The following SLCO2B1 variants were observed in gnomAD, a reference collection of about 807,000 sequenced individuals.
SLCO2B1 encodes the protein OATP-RP2.
A neutral mutation model predicts 67.3 loss-of-function variants in SLCO2B1; 41 were observed. The ratio of observed to expected loss-of-function variants is 0.61; its 90% CI spans 0.47 to 0.79. The LOEUF is 0.79. Ranked by LOEUF, SLCO2B1 falls within the 30% of genes least tolerant of loss-of-function variation. SLCO2B1 has a pLI of 0.00. For missense variants in SLCO2B1, 837 were observed against 920.1 expected (o/e 0.91, Z 1.17); for synonymous variants, 379 against 381.4 (o/e 0.99, Z 0.07).
rs754763383 is a variant in SLCO2B1 at position 75,169,366 on chromosome 11, C to T, written c.642C>T (p.Ile214=). Residue 214 remains isoleucine, a synonymous_variant, in exon 5 of 14, where the codon ATC becomes ATT. Transcript: ENST00000289575. ...VPIQPFGISY[I]DDFAHNSNSP... ...TTCAGCCCTTTGGCATCTCCTACAT[C>T]GATGACTTTGCCCACAACAGCAACT... is the stretch of plus-strand genomic sequence containing the variant. The T allele has an allele frequency of 2.5e-5, 40 of 1,610,222 alleles. No individual in the cohort carries two copies. The highest frequency in any genetic ancestry group is 3.1e-5 in the Non-Finnish European group (36 of 1,177,184).
intron 11 of SLCO2B1, chr11:75,201,797 T>C (rs969896434): frequency 6.6e-6 from 1 of 152,214 alleles, no homozygotes; most frequent in East Asian, 1.9e-4. Context: ...GGGACCTCCA[T>C]GTGTTCAGCT....
At position 75,172,370 on chromosome 11, in the gene SLCO2B1, C is replaced by T; in HGVS notation, c.782-9C>T. 6.2e-7 allele frequency: 1 copy of T among 1,608,546 alleles called. No individual in the cohort carries two copies. The highest frequency in any genetic ancestry group is 8.5e-7 in the Non-Finnish European group (1 of 1,176,458). On this transcript the variant is annotated splice_polypyrimidine_tract_variant and intron_variant, in intron 6 of 13. Coordinates refer to ENST00000289575, the MANE Select transcript of SLCO2B1 (RefSeq NM_007256.5). ...CTGACCCTAATGTCACCATGCTCTT[C>T]TCTTCCAGGTGGTATCAGCCTGACC...
At chr11:75,161,617 G>T (rs367869341) in intron 1 of SLCO2B1, among the ~76,000 whole-genome samples, 1 of 152,144 alleles carries the variant, frequency 6.6e-6, no homozygotes, top group African/African-American at 2.4e-5. Flanking sequence ...CAATTTTCAG[G>T]CTCCAGAAAG....
rs561881486 is a variant in SLCO2B1 at position 75,159,919 on chromosome 11, T to C, written c.17-2736T>C. On this transcript the variant is annotated intron_variant, in intron 1 of 13. Coordinates refer to ENST00000289575, the MANE Select transcript of SLCO2B1 (RefSeq NM_007256.5). ...ACCTGAGGCAGGTGAGCAGGCTCCA[T>C]GAGTGGGCAGGTGAGAGGCCAGGGG... 10 of 960,106 alleles carry C rather than the reference T, an allele frequency of 1.0e-5. No individual in the cohort carries two copies. In the African/African-American group the frequency reaches 1.6e-4, roughly 15 times the overall value. 59.5% of individuals were successfully genotyped at this position (960,106 alleles called of 1,614,324 possible). A position where few individuals can be genotyped will look rare whatever the true frequency, so the allele number is the denominator to read the frequency against.
chr11:75,200,061 C>T (rs972532236), intron 10 of SLCO2B1, 163 bp from the exon 11 acceptor site: 19 of 647,724 alleles, frequency 2.9e-5, no homozygotes, highest in African/African-American at 9.2e-5. Flanking sequence ...CTCCTCAAGC[C>T]GTCTTTGCTC....
intron 2 of SLCO2B1, among the ~76,000 whole-genome samples, chr11:75,163,126 G>T (rs1949843269): frequency 6.6e-6 from 1 of 152,076 alleles, no homozygotes; most frequent in Admixed American, 6.5e-5. Flanking sequence ...CTCCACCAAG[G>T]GCAGCTGTGA....
At position 75,169,749 on chromosome 11, in the gene SLCO2B1, A is replaced by C; in HGVS notation, c.766A>C (p.Asn256His). The change falls in exon 6 of 14, where the codon AAC (asparagine) becomes CAC (histidine). Residue 256 changes from asparagine to histidine, a missense_variant. Coordinates refer to ENST00000289575, the MANE Select transcript of SLCO2B1 (RefSeq NM_007256.5). ...CATGCTGCGCCTTTATGTGGACATT[A>C]ACCAGATGCCAGAAGGTGAGCCTCA... ...SLMLRLYVDI[N>H]QMPEGGISLT... 6.2e-7 allele frequency: 1 copy of C among 1,613,996 alleles called. No individual in the cohort carries two copies. Among genetic ancestry groups the C allele is most frequent in the South Asian group, 1.1e-5 (1 of 91,078 alleles).
At chr11:75,197,487 GAGCAGA>G (rs1945117152) in intron 10 of SLCO2B1, among the ~76,000 whole-genome samples, 1 of 152,246 alleles carries the variant, frequency 6.6e-6, no homozygotes, top group Admixed American at 6.5e-5. Flanking sequence ...GTTTCTGTTG[GAGCAGA>G]AGCACAAGGG....
At chr11:75,166,259 A>T (rs1473933293) in intron 4 of SLCO2B1, among the ~76,000 whole-genome samples, 3 of 151,936 alleles carry the variant, frequency 2.0e-5, no homozygotes. Context: ...CATGCAGTAG[A>T]CCCTCCGGAA....
At chr11:75,171,139 C>G (rs1949955214) in intron 6 of SLCO2B1, among the ~76,000 whole-genome samples, 1 of 152,198 alleles carries the variant, frequency 6.6e-6, no homozygotes, top group Non-Finnish European at 1.5e-5. Flanking sequence ...AACCCATCCC[C>G]GGCTTTACAG....
Position 75,205,799 on chromosome 11 carries a change from T to C in SLCO2B1, c.*1219T>C, listed in dbSNP as rs933328955. On this transcript the variant is annotated 3_prime_UTR_variant, in exon 14 of 14. Transcript: ENST00000289575. ...GCTAGTCTTATCTGGCCTGGTTATTTCCTTGCGGGGAGGAGAGGGTTTGCT... is the reference window on the plus strand; with the variant it reads ...GCTAGTCTTATCTGGCCTGGTTATTCCCTTGCGGGGAGGAGAGGGTTTGCT... 5 of 152,204 alleles carry C rather than the reference T, an allele frequency of 3.3e-5. No homozygotes were observed. The highest frequency in any genetic ancestry group is 1.2e-4 in the African/African-American group (5 of 41,440). 9.4% of individuals were successfully genotyped at this position (152,204 alleles called of 1,614,324 possible).
intron 6 of SLCO2B1, among the ~76,000 whole-genome samples, chr11:75,171,515 C>A (rs1250889982): frequency 6.6e-6 from 1 of 152,186 alleles, no homozygotes; most frequent in Non-Finnish European, 1.5e-5. Context: ...ACCTCAGTTT[C>A]CCAAAGTGCT....
At chr11:75,181,425 G>T (rs1950090957) in intron 7 of SLCO2B1, among the ~76,000 whole-genome samples, 1 of 151,376 alleles carries the variant, frequency 6.6e-6, no homozygotes, top group Non-Finnish European at 1.5e-5. Context: ...CATTCTTCAT[G>T]GAAACTCAGC....
At position 75,193,967 on chromosome 11, in the gene SLCO2B1, GAGGA is replaced by G. The variant is rs1255284085; in HGVS notation, c.1433+395_1433+398del. On this transcript the variant is annotated intron_variant, in intron 9 of 13. Transcript: ENST00000289575. This position sits in a 1 kb window ranked among gnomAD's most constrained non-coding sequence, Gnocchi z 4.2. ...TCAGCCAGAGGAATGGCCTGCCCAG[GAGGA>G]AGCATGCTCTCCATCCTGGGGACGA... is the stretch of plus-strand genomic sequence containing the variant. 7.2e-5 allele frequency among the ~76,000 whole-genome samples: 11 copies of G among 152,184 alleles called. No individual in the cohort carries two copies. The highest frequency in any genetic ancestry group is 1.6e-4 in the Non-Finnish European group (11 of 68,030).
At position 75,151,194 on chromosome 11, in the gene SLCO2B1, G is replaced by C; in HGVS notation, c.-188G>C. 1 of 598,062 alleles carries C rather than the reference G, an allele frequency of 1.7e-6. No homozygotes were observed. Among genetic ancestry groups the C allele is most frequent in the South Asian group, 2.1e-5 (1 of 47,742 alleles). 37.0% of individuals were successfully genotyped at this position (598,062 alleles called of 1,614,324 possible). ...GACTCCCTAACCTGTGTCTGGACAAGTCTGATGTCCTGTGTGGCCCAAGAA... is the reference window on the plus strand; with the variant it reads ...GACTCCCTAACCTGTGTCTGGACAACTCTGATGTCCTGTGTGGCCCAAGAA... On this transcript the variant is annotated 5_prime_UTR_variant, in exon 1 of 14. Coordinates refer to ENST00000289575, the MANE Select transcript of SLCO2B1 (RefSeq NM_007256.5).
At chr11:75,197,579 C>T (rs545991666) in intron 10 of SLCO2B1, among the ~76,000 whole-genome samples, 1 of 152,310 alleles carries the variant, frequency 6.6e-6, no homozygotes, top group East Asian at 1.9e-4. Flanking sequence ...TTCTGGAGAG[C>T]AGTGGGAAGC....
intron 7 of SLCO2B1, among the ~76,000 whole-genome samples, chr11:75,184,797 C>A (rs1278500496): frequency 1.3e-5 from 2 of 152,150 alleles, no homozygotes; most frequent in African/African-American, 4.8e-5. Context: ...TCCTCTTTTC[C>A]AGGCTTTATT....
At chr11:75,182,932 C>G (rs918101266) in intron 7 of SLCO2B1, among the ~76,000 whole-genome samples, 2 of 152,118 alleles carry the variant, frequency 1.3e-5, no homozygotes, top group Non-Finnish European at 2.9e-5. Flanking sequence ...CTCCTGCTTC[C>G]TGGGGCAGCC....
chr11:75,174,070 G>T (rs1949996886), intron 7 of SLCO2B1, among the ~76,000 whole-genome samples: 1 of 152,124 alleles, frequency 6.6e-6, no homozygotes, highest in Non-Finnish European at 1.5e-5. Flanking sequence ...CCAAAGTGCT[G>T]GGATTACAGG....
Sources: allele counts gnomAD v4.1 joint callset (sites outside exome capture counted in the v4.1 genomes callset), GRCh38; gene constraint gnomAD v4.1.1; non-coding constraint Gnocchi (gnomAD v3.1); transcripts MANE v1.5; gene names NCBI Gene and HGNC (gene_info 2026-07-23, HGNC 2026-07-21).